The following CNTN5 variants were observed in gnomAD, a reference collection of about 807,000 sequenced individuals.
The protein encoded by CNTN5 is contactin 5.
In CNTN5, 77 loss-of-function variants were observed where a neutral mutation model predicts 129.1. The observed-to-expected ratio is 0.60, with a 90% CI of 0.50 to 0.72. The LOEUF (loss-of-function observed/expected upper bound fraction) is 0.72, where lower values mean the gene tolerates loss of function less well. Ranked by LOEUF, CNTN5 falls within the 30% of genes least tolerant of loss-of-function variation. CNTN5 has a pLI of 0.00. For missense variants in CNTN5, 1,478 were observed against 1,328.8 expected (o/e 1.11, Z -1.75); for synonymous variants, 509 against 465.6 (o/e 1.09, Z -1.20).
intron 3 of CNTN5, among the ~76,000 whole-genome samples, chr11:99,617,386 A>G (rs968759668): frequency 6.6e-6 from 1 of 152,136 alleles, no homozygotes; most frequent in African/African-American, 2.4e-5. Flanking sequence ...TTCAAGGAAT[A>G]TTAGTGCAGA....
intron 2 of CNTN5, among the ~76,000 whole-genome samples, chr11:99,423,344 C>T (rs1374439235): frequency 1.3e-5 from 2 of 152,148 alleles, no homozygotes; most frequent in Non-Finnish European, 2.9e-5. Context: ...CGAGCAGAAA[C>T]TGAGAGATAG....
chr11:100,240,925 G>C (rs1282188901), intron 16 of CNTN5, among the ~76,000 whole-genome samples: 1 of 152,180 alleles, frequency 6.6e-6, no homozygotes, highest in African/African-American at 2.4e-5. Flanking sequence ...TGAATAGTGA[G>C]ACTGAACAAA....
chr11:99,153,374 A>T (rs1427566469), intron 1 of CNTN5, among the ~76,000 whole-genome samples: 1 of 151,740 alleles, frequency 6.6e-6, no homozygotes, highest in Non-Finnish European at 1.5e-5. Context: ...GTTATTTTAG[A>T]TAACTGGTCT....
chr11:99,656,839 C>T (rs1299260454), intron 3 of CNTN5, among the ~76,000 whole-genome samples: 1 of 152,128 alleles, frequency 6.6e-6, no homozygotes, highest in Non-Finnish European at 1.5e-5. Context: ...TGACTCTGTT[C>T]AGGGCCTCCA....
chr11:99,475,647 C>T (rs143566699), intron 2 of CNTN5, among the ~76,000 whole-genome samples: 2 of 151,746 alleles, frequency 1.3e-5, no homozygotes, highest in African/African-American at 4.8e-5. Context: ...CTTTTTTAAG[C>T]CTGTAATGGA....
chr11:99,047,104 T>A (rs1420685121), intron 1 of CNTN5, among the ~76,000 whole-genome samples: 2 of 152,016 alleles, frequency 1.3e-5, no homozygotes, highest in Non-Finnish European at 2.9e-5. Flanking sequence ...ATGAATTTTG[T>A]CATTTTAAAC....
chr11:99,149,029 G>A (rs1859921819), intron 1 of CNTN5, among the ~76,000 whole-genome samples: 1 of 152,044 alleles, frequency 6.6e-6, no homozygotes, highest in African/African-American at 2.4e-5. Context: ...TGAGTAATAA[G>A]GAAAATGGCA....
rs373005256 is a variant in CNTN5, at chr11:100,200,615, G to C, written c.1884+6952G>C. Among the ~76,000 whole-genome samples the C allele has an allele frequency of 2.6e-5, 4 of 151,984 alleles. No homozygotes were observed. In the East Asian group the frequency reaches 7.8e-4, roughly 30 times the overall value. On this transcript the variant is annotated intron_variant, in intron 15 of 24. Transcript: ENST00000524871. ...AGAGAATATAAAGCTCTCTGATAGA[G>C]AAAGGCAATTTTTGTCGGGGGCATG...
intron 6 of CNTN5, among the ~76,000 whole-genome samples, chr11:99,863,622 T>G (rs1290022967): frequency 1.3e-5 from 2 of 152,170 alleles, no homozygotes; most frequent in African/African-American, 4.8e-5. Context: ...GTTGTACTCA[T>G]CTTAAAAGAA....
intron 1 of CNTN5, among the ~76,000 whole-genome samples, chr11:99,035,532 CT>C (rs1863674871): frequency 1.3e-5 from 2 of 149,004 alleles, no homozygotes; most frequent in South Asian, 2.1e-4. Flanking sequence ...TAATGGCCTT[CT>C]TTGTCTCTTT....
intron 2 of CNTN5, among the ~76,000 whole-genome samples, chr11:99,528,976 G>A (rs1041489291): frequency 2.6e-5 from 4 of 151,954 alleles, no homozygotes; most frequent in African/African-American, 7.3e-5. Context: ...TAGGGAGGCT[G>A]AGGCAGAAGA....
intron 1 of CNTN5, among the ~76,000 whole-genome samples, chr11:99,280,176 A>G (rs11219188): frequency 2.0e-5 from 3 of 151,756 alleles, no homozygotes; most frequent in Admixed American, 1.3e-4. Flanking sequence ...ATATAAATAC[A>G]AAAGAAAAAA....
chr11:100,006,352 A>G (rs1240487822), intron 9 of CNTN5, among the ~76,000 whole-genome samples: 1 of 152,114 alleles, frequency 6.6e-6, no homozygotes, highest in Admixed American at 6.6e-5. Flanking sequence ...GTAGCTTATG[A>G]TGCTGTTAGA....
chr11:99,868,390 TG>T (rs1228099895), intron 6 of CNTN5, among the ~76,000 whole-genome samples: 1 of 152,192 alleles, frequency 6.6e-6, no homozygotes, highest in Non-Finnish European at 1.5e-5. Context: ...ATACAATAGT[TG>T]TTTTAATTTT....
chr11:99,848,296 A>G (rs1276508634), intron 6 of CNTN5, among the ~76,000 whole-genome samples: 4 of 152,142 alleles, frequency 2.6e-5, no homozygotes, highest in Non-Finnish European at 2.9e-5. Context: ...AGGTCAATAT[A>G]TTTAATAGAA....
intron 3 of CNTN5, among the ~76,000 whole-genome samples, chr11:99,769,028 T>A (rs1944854831): frequency 6.6e-6 from 1 of 152,082 alleles, no homozygotes; most frequent in African/African-American, 2.4e-5. Flanking sequence ...TTCTTTTCTC[T>A]TTTCTATCTT....
chr11:100,256,862 A>G lies in CNTN5; in HGVS notation c.2164+944A>G, dbSNP rs562035179. Among the ~76,000 whole-genome samples the G allele has an allele frequency of 3.9e-5, 6 of 152,154 alleles. No individual in the cohort carries two copies. The East Asian group carries it at 5.9e-4, about 15-fold the overall frequency. ...CACCAGGGCCCTGGGTTTCAAGCAG[A>G]AAACTGGGAAGCCATTTGGGCAGAC... On this transcript the variant is annotated intron_variant, in intron 17 of 24. Transcript: ENST00000524871.
chr11:100,088,599 T>C (rs1273307443), intron 13 of CNTN5, among the ~76,000 whole-genome samples: 2 of 152,064 alleles, frequency 1.3e-5, no homozygotes, highest in East Asian at 1.9e-4. Flanking sequence ...TCAGAGACTA[T>C]TATGAACACC....
At chr11:99,391,881 T>G (rs1941280565) in intron 2 of CNTN5, among the ~76,000 whole-genome samples, 1 of 152,012 alleles carries the variant, frequency 6.6e-6, no homozygotes, top group Non-Finnish European at 1.5e-5. Context: ...ATATGCTGAT[T>G]ACCTGCATGA....
Sources: gnomAD v4.1 joint callset for allele counts (sites outside exome capture counted in the v4.1 genomes callset) on GRCh38, gnomAD v4.1.1 for gene constraint, MANE v1.5 for transcripts, NCBI Gene and HGNC (gene_info 2026-07-23, HGNC 2026-07-21) for gene names.